Variants in PLD1 observed in about 807,000 individuals in gnomAD.
The protein encoded by PLD1 is phospholipase D1, also known as choline phosphatase 1.
Under a neutral mutation model 137.1 loss-of-function variants are expected in PLD1, and 112 were observed. The observed-to-expected ratio is 0.82, with a 90% CI of 0.70 to 0.96. The LOEUF (loss-of-function observed/expected upper bound fraction) is 0.96. Among genes scored for constraint, PLD1 ranks in the 40% least tolerant of loss-of-function variants. The pLI is 0.00. For missense variants in PLD1, 1,321 were observed against 1,342.0 expected, an observed-to-expected ratio of 0.98 and a Z score of 0.24; for synonymous variants, 431 against 454.7, an observed-to-expected ratio of 0.95 and a Z score of 0.66.
chr3:171,617,381 T>C (rs1282816267), intron 24 of PLD1, among the ~76,000 whole-genome samples: 2 of 152,310 alleles, frequency 1.3e-5, no homozygotes, highest in East Asian at 3.9e-4. Context: ...CTGAACCTTC[T>C]TGTTCTGGTT....
intron 18 of PLD1, 83 bp downstream of exon 18, chr3:171,676,632 G>T (rs749958740): frequency 1.8e-5 from 19 of 1,034,684 alleles, no homozygotes; most frequent in Admixed American, 8.9e-5. Context: ...GTCTCTTCTT[G>T]CTACCAGCCT....
At chr3:171,787,050 T>C (rs997585865) in intron 1 of PLD1, among the ~76,000 whole-genome samples, 7 of 152,214 alleles carry the variant, frequency 4.6e-5, no homozygotes, top group African/African-American at 1.7e-4. Context: ...CAAATATTAC[T>C]GAGTTCATAT....
rs376883190 is a variant in PLD1 at position 171,697,885 on chromosome 3, C to A, written c.1227+1860G>T. On this transcript the variant is annotated intron_variant, in intron 12 of 26. Coordinates refer to ENST00000351298, the MANE Select transcript of PLD1 (RefSeq NM_002662.5). ...AGCTCCTTCAACTTAAGAATCATGG[C>A]TTTTATTTATGTACATCCTCATATG... Among the ~76,000 whole-genome samples the A allele has an allele frequency of 7.2e-5, 11 of 152,248 alleles. No homozygotes were observed. In the South Asian group the frequency reaches 8.3e-4, roughly 11 times the overall value.
At chr3:171,761,654 G>A (rs1380803505) in intron 1 of PLD1, among the ~76,000 whole-genome samples, 2 of 152,212 alleles carry the variant, frequency 1.3e-5, no homozygotes, top group African/African-American at 2.4e-5. Flanking sequence ...TACAGAGTGG[G>A]AAAGTATTAA....
At chr3:171,660,351 C>A (rs1357542516) in intron 20 of PLD1, among the ~76,000 whole-genome samples, 1 of 152,160 alleles carries the variant, frequency 6.6e-6, no homozygotes, top group Non-Finnish European at 1.5e-5. Flanking sequence ...CATTGGCAAC[C>A]AAACCATGTT....
chr3:171,682,544 G>A (rs151248167), intron 16 of PLD1, among the ~76,000 whole-genome samples: 5 of 152,218 alleles, frequency 3.3e-5, no homozygotes, highest in East Asian at 1.9e-4. Flanking sequence ...AATTTCTAAC[G>A]AAGAGTCACT....
intron 19 of PLD1, among the ~76,000 whole-genome samples, chr3:171,666,544 T>C (rs1712170133): frequency 6.6e-6 from 1 of 152,266 alleles, no homozygotes; most frequent in African/African-American, 2.4e-5. Context: ...TCACCCATTT[T>C]GATTGATTTC....
chr3:171,692,446 T>C lies in PLD1; in HGVS notation c.1228-4A>G. On this transcript the variant is annotated splice_polypyrimidine_tract_variant and splice_region_variant and intron_variant, in intron 12 of 26. Transcript: ENST00000351298. Reference sequence around the variant, plus strand: ...TGAAGATCCTCACTCCTTGTTGCTGTCACAGGAGAAAACCGATGGAGGAAT... The same window carrying C: ...TGAAGATCCTCACTCCTTGTTGCTGCCACAGGAGAAAACCGATGGAGGAAT... The C allele has an allele frequency of 6.9e-7, 1 of 1,449,444 alleles. No homozygotes were observed. The highest frequency in any genetic ancestry group is 9.7e-7 in the Non-Finnish European group (1 of 1,030,348). 89.8% of individuals were successfully genotyped at this position (1,449,444 alleles called of 1,614,324 possible).
chr3:171,745,031 C>T (rs1008287033), intron 1 of PLD1, among the ~76,000 whole-genome samples: 5 of 152,194 alleles, frequency 3.3e-5, no homozygotes, highest in Non-Finnish European at 7.3e-5. Flanking sequence ...CCTCTTTGGA[C>T]GACCTTTTAA....
At chr3:171,629,393 C>G (rs1301655825) in intron 23 of PLD1, among the ~76,000 whole-genome samples, 5 of 152,172 alleles carry the variant, frequency 3.3e-5, no homozygotes, top group Non-Finnish European at 5.9e-5. Flanking sequence ...ATATTCCATG[C>G]TCATGGGTAG....
At chr3:171,711,710 C>T (rs1200259459) in intron 9 of PLD1, among the ~76,000 whole-genome samples, 1 of 150,522 alleles carries the variant, frequency 6.6e-6, no homozygotes, top group African/African-American at 2.5e-5. Flanking sequence ...GGGAATCAGT[C>T]ATGCTCAACA....
intron 6 of PLD1, among the ~76,000 whole-genome samples, chr3:171,732,460 G>A (rs999421620): frequency 2.0e-5 from 3 of 152,184 alleles, no homozygotes; most frequent in Non-Finnish European, 2.9e-5. Context: ...ACAGCTGGAT[G>A]TATATTTGGA....
chr3:171,618,758 A>G (rs1167136966), intron 24 of PLD1, among the ~76,000 whole-genome samples: 31 of 130,840 alleles, frequency 2.4e-4, no homozygotes, highest in African/African-American at 4.5e-4. Flanking sequence ...GTGTGTGTGT[A>G]TCTCACCATA....
chr3:171,754,112 G>A (rs933504619), intron 1 of PLD1, among the ~76,000 whole-genome samples: 12 of 152,154 alleles, frequency 7.9e-5, no homozygotes, highest in Non-Finnish European at 1.6e-4. Context: ...TGAGTTCATT[G>A]AGTACACTCC....
rs771939485 is a variant in PLD1 at position 171,737,587 on chromosome 3, C to A, written c.233G>T (p.Gly78Val). Residue 78 changes from glycine (G) to valine (V), a missense_variant, in exon 3 of 27, where the codon GGC (glycine) becomes GTC (valine). By Grantham distance (109) the Gly-to-Val change is moderately radical. Coordinates refer to ENST00000351298, the MANE Select transcript of PLD1 (RefSeq NM_002662.5). ...KEPNIQTYLS[G>V]CPIKAQVLEV... Reference sequence around the variant, plus strand: ...CAGAACTTGTGCTTTTATTGGACAGCCGGAGAGATACGTCTGTATATTAGG... The same window carrying A: ...CAGAACTTGTGCTTTTATTGGACAGACGGAGAGATACGTCTGTATATTAGG... 6.2e-7 allele frequency: 1 copy of A among 1,611,290 alleles called. No homozygotes were observed. Among genetic ancestry groups the A allele is most frequent in the East Asian group, 2.2e-5 (1 of 44,856 alleles).
At chr3:171,611,562 CCA>C (rs764080711) in intron 25 of PLD1, 4 of 518,570 alleles carry the variant, frequency 7.7e-6, no homozygotes, top group South Asian at 2.8e-5. Flanking sequence ...CTCTGCTTCA[CCA>C]CAGATTAGTT....
intron 19 of PLD1, among the ~76,000 whole-genome samples, chr3:171,664,058 C>T (rs764785729): frequency 5.9e-4 from 89 of 152,076 alleles, no homozygotes; most frequent in Non-Finnish European, 9.3e-4. Flanking sequence ...GTATTTATTA[C>T]AAAATATCGC....
chr3:171,618,357 C>T (rs189423795), intron 24 of PLD1, among the ~76,000 whole-genome samples: 187 of 152,278 alleles, frequency 1.2e-3, no homozygotes, highest in African/African-American at 4.3e-3. Flanking sequence ...TGTATTTATA[C>T]TTCATGTAAA....
intron 23 of PLD1, among the ~76,000 whole-genome samples, chr3:171,623,383 C>T (rs555803657): frequency 3.0e-4 from 44 of 146,966 alleles, no homozygotes; most frequent in African/African-American, 9.4e-4. Context: ...GGCGTGATCT[C>T]GACTCACTGC....
Sources: allele counts gnomAD v4.1 joint callset (sites outside exome capture counted in the v4.1 genomes callset), GRCh38; gene constraint gnomAD v4.1.1; transcripts MANE v1.5; gene names NCBI Gene and HGNC (gene_info 2026-07-23, HGNC 2026-07-21).